Variants in GPC5 observed in about 807,000 individuals in gnomAD.
GPC5 encodes the protein glypican 5, also known as glypican-5.
GPC5 carries 47 observed loss-of-function variants against 53.9 expected under a neutral mutation model. The observed-to-expected ratio is 0.87, with a 90% confidence interval of 0.69 to 1.11. The LOEUF (loss-of-function observed/expected upper bound fraction) is 1.11, where lower values mean the gene tolerates loss of function less well. Ranked by LOEUF, GPC5 falls within the 50% of genes most tolerant of loss-of-function variation. GPC5 has a pLI of 0.00. For missense variants in GPC5, 748 were observed against 713.1 expected (o/e 1.05, Z -0.56); for synonymous variants, 286 against 263.3 (o/e 1.09, Z -0.84).
At chr13:92,527,189 GA>G (rs568856221) in intron 7 of GPC5, among the ~76,000 whole-genome samples, 1,681 of 18,138 alleles carry the variant, frequency 0.093, 179 homozygotes, top group Non-Finnish European at 0.1. Flanking sequence ...AAAGAAGAAA[GA>G]AAGAAAGAAA....
chr13:92,016,479 A>G (rs557626712), intron 6 of GPC5, among the ~76,000 whole-genome samples: 1 of 152,058 alleles, frequency 6.6e-6, no homozygotes, highest in Non-Finnish European at 1.5e-5. Context: ...AGGGTGGATG[A>G]CCTATAATTC....
intron 5 of GPC5, among the ~76,000 whole-genome samples, chr13:91,895,076 A>G (rs1433771823): frequency 6.6e-6 from 1 of 150,552 alleles, no homozygotes; most frequent in Non-Finnish European, 1.5e-5. Flanking sequence ...AAAGGCCTCT[A>G]CAAAAAAGAG....
intron 7 of GPC5, among the ~76,000 whole-genome samples, chr13:92,177,146 C>T (rs1593964329): frequency 6.6e-6 from 1 of 152,334 alleles, no homozygotes; most frequent in Non-Finnish European, 1.5e-5. Context: ...TCTTGGCTTA[C>T]AGACCCCTGG....
intron 7 of GPC5, among the ~76,000 whole-genome samples, chr13:92,200,816 A>G (rs1038904948): frequency 1.3e-5 from 2 of 152,218 alleles, no homozygotes; most frequent in Non-Finnish European, 2.9e-5. Context: ...CAAAAACTGT[A>G]ACTGTGGAGT....
At chr13:92,431,393 T>TC (rs1316585337) in intron 7 of GPC5, among the ~76,000 whole-genome samples, 1 of 150,408 alleles carries the variant, frequency 6.6e-6, no homozygotes, top group African/African-American at 2.4e-5. Flanking sequence ...GACACAGCTT[T>TC]TTTTTTTTTT....
intron 6 of GPC5, among the ~76,000 whole-genome samples, chr13:92,006,213 A>ATGGCATAG (rs2040605510): frequency 6.6e-6 from 1 of 152,194 alleles, no homozygotes; most frequent in African/African-American, 2.4e-5. Context: ...ACTCAAAATG[A>ATGGCATAG]TGGCATAGTC....
At chr13:91,695,128 A>G (rs556521888) in intron 3 of GPC5, among the ~76,000 whole-genome samples, 1 of 152,204 alleles carries the variant, frequency 6.6e-6, no homozygotes, top group African/African-American at 2.4e-5. Context: ...GTGGGCTGAA[A>G]TTTAACTCCC....
At chr13:91,434,942 T>G (rs372445045) in intron 1 of GPC5, among the ~76,000 whole-genome samples, 7 of 152,190 alleles carry the variant, frequency 4.6e-5, no homozygotes, top group East Asian at 3.8e-4. Context: ...TTATTCTCTT[T>G]GAAGCAATTG....
At chr13:91,964,237 C>A (rs1016474421) in intron 6 of GPC5, among the ~76,000 whole-genome samples, 2 of 152,154 alleles carry the variant, frequency 1.3e-5, no homozygotes, top group Non-Finnish European at 2.9e-5. Flanking sequence ...TGAGCAGCAG[C>A]AAGATTTCTT....
chr13:92,540,249 C>T (rs765420082), intron 7 of GPC5, among the ~76,000 whole-genome samples: 5 of 151,906 alleles, frequency 3.3e-5, no homozygotes, highest in Admixed American at 6.6e-5. Context: ...TTAGACAAAG[C>T]TATTCAGTGC....
chr13:92,849,963 C>T (rs1188775127), intron 7 of GPC5, among the ~76,000 whole-genome samples: 1 of 152,108 alleles, frequency 6.6e-6, no homozygotes, highest in African/African-American at 2.4e-5. Flanking sequence ...AAACTGATTG[C>T]CAACCCTGCC....
At chr13:92,298,974 T>C (rs1246041716) in intron 7 of GPC5, among the ~76,000 whole-genome samples, 2 of 152,182 alleles carry the variant, frequency 1.3e-5, no homozygotes, top group African/African-American at 4.8e-5. Context: ...TTAGCAATAA[T>C]TTTTTTGAAT....
At chr13:92,396,746 G>C (rs1875297063) in intron 7 of GPC5, among the ~76,000 whole-genome samples, 1 of 152,156 alleles carries the variant, frequency 6.6e-6, no homozygotes. Flanking sequence ...CTATTAGTGG[G>C]AAGCTAAGCA....
At chr13:92,683,849 C>CGTGGTA (rs1190765789) in intron 7 of GPC5, among the ~76,000 whole-genome samples, 2 of 152,040 alleles carry the variant, frequency 1.3e-5, no homozygotes, top group Non-Finnish European at 2.9e-5. Flanking sequence ...TTTAACATCT[C>CGTGGTA]GTGGTATTTT....
Position 92,381,892 on chromosome 13 carries a change from TATATAATC to T in GPC5, c.1561+236909_1561+236916del, listed in dbSNP as rs1239155421. 5.7e-3 allele frequency among the ~76,000 whole-genome samples: 531 copies of T among 93,670 alleles called. 34 individuals carry two copies. Among genetic ancestry groups the T allele is most frequent in the African/African-American group, 0.02 (504 of 24,956 alleles). 61.5% of individuals were successfully genotyped at this position (93,670 alleles called of 152,430 possible). ...ATCATATATATGATTATATATATTATATATAATCATATATATGATATATATAATCATAT... is the reference window on the plus strand; with the variant it reads ...ATCATATATATGATTATATATATTATATATATATGATATATATAATCATAT... On this transcript the variant is annotated intron_variant, in intron 7 of 7. Coordinates refer to ENST00000377067, the MANE Select transcript of GPC5 (RefSeq NM_004466.6).
chr13:92,010,326 AT>A (rs1364548324), intron 6 of GPC5, among the ~76,000 whole-genome samples: 6 of 152,250 alleles, frequency 3.9e-5, no homozygotes, highest in African/African-American at 1.2e-4. Context: ...CGTTTTATTT[AT>A]TGTTGTTTTC....
chr13:92,626,056 A>T, intron 7 of GPC5, among the ~76,000 whole-genome samples: 1 of 152,198 alleles, frequency 6.6e-6, no homozygotes, highest in East Asian at 1.9e-4. Flanking sequence ...TCATAACCAT[A>T]CCAGTTCAAT....
chr13:91,937,310 A>G (rs185991656), intron 6 of GPC5, among the ~76,000 whole-genome samples: 16 of 152,186 alleles, frequency 1.1e-4, no homozygotes, highest in Non-Finnish European at 8.8e-5. Flanking sequence ...GAGAAAAAGG[A>G]TGGCAATTAT....
At chr13:92,642,843 T>G (rs890371338) in intron 7 of GPC5, among the ~76,000 whole-genome samples, 1 of 152,178 alleles carries the variant, frequency 6.6e-6, no homozygotes, top group Non-Finnish European at 1.5e-5. Flanking sequence ...CTGCAACAGA[T>G]GACAGGAGAC....
Sources: gnomAD v4.1 joint callset for allele counts (sites outside exome capture counted in the v4.1 genomes callset) on GRCh38, gnomAD v4.1.1 for gene constraint, MANE v1.5 for transcripts, NCBI Gene and HGNC (gene_info 2026-07-23, HGNC 2026-07-21) for gene names.